NAV1: variants seen among roughly 807,000 people sequenced by gnomAD.
The protein encoded by NAV1 is pore membrane and/or filament interacting like protein 3.
In NAV1, 18 loss-of-function variants were observed where a neutral mutation model predicts 175.2. That is an observed-to-expected ratio of 0.10 (90% CI 0.07 to 0.15). The LOEUF (loss-of-function observed/expected upper bound fraction) is 0.15. NAV1 is among the 10% of genes least tolerant of loss of function. NAV1 has a pLI of 1.00. For missense variants in NAV1, 1,731 were observed against 2,436.6 expected, an observed-to-expected ratio of 0.71 and a Z score of 6.10; for synonymous variants, 897 against 978.7, an observed-to-expected ratio of 0.92 and a Z score of 1.56.
At chr1:201,748,596 A>G (rs945909302) in intron 3 of NAV1, among the ~76,000 whole-genome samples, 4 of 152,196 alleles carry the variant, frequency 2.6e-5, no homozygotes, top group Non-Finnish European at 4.4e-5. Flanking sequence ...CTCATGCACA[A>G]CCTGATTTAG....
chr1:201,724,387 C>T (rs1164254312), intron 3 of NAV1: 1 of 152,238 alleles, frequency 6.6e-6, no homozygotes, highest in Non-Finnish European at 1.5e-5. Flanking sequence ...AGAGGAGGCA[C>T]ACGTGCCTGA....
At chr1:201,736,919 C>T (rs1396036328) in intron 3 of NAV1, among the ~76,000 whole-genome samples, 1 of 151,916 alleles carries the variant, frequency 6.6e-6, no homozygotes, top group Non-Finnish European at 1.5e-5. Context: ...CCCTCCGCTG[C>T]CCCCCACTCC....
chr1:201,793,492 G>A, intron 13 of NAV1: 1 of 346,782 alleles, frequency 2.9e-6, no homozygotes, highest in South Asian at 2.9e-5. Flanking sequence ...ATAGAGCAGA[G>A]GGATAGTCCT....
rs114090401 is a variant in NAV1 at position 201,564,300 on chromosome 1, C to T, written c.-143-24239C>T. 3.3e-3 allele frequency among the ~76,000 whole-genome samples: 496 copies of T among 152,174 alleles called. 1 individual carries two copies. The highest frequency in any genetic ancestry group is 0.011 in the African/African-American group (445 of 41,512). ...AGCAGTGTGGCTTTAACTTTTCTCACCTTTAGCGTCCTTACCTATTACAGG... is the reference window on the plus strand; with the variant it reads ...AGCAGTGTGGCTTTAACTTTTCTCATCTTTAGCGTCCTTACCTATTACAGG... On this transcript the variant is annotated intron_variant, in intron 1 of 33. Transcript: ENST00000685211.
chr1:201,589,468 A>G (rs1176521873), intron 2 of NAV1, among the ~76,000 whole-genome samples: 1 of 152,136 alleles, frequency 6.6e-6, no homozygotes, highest in Non-Finnish European at 1.5e-5. Context: ...TGCTCAGTAA[A>G]TGTTGAATAA....
At chr1:201,794,032 G>A in intron 14 of NAV1, 157 bp downstream of exon 18, 1 of 722,342 alleles carries the variant, frequency 1.4e-6, no homozygotes, top group Non-Finnish European at 2.5e-6. Context: ...AATACAGTGT[G>A]AGCATATTCC....
chr1:201,580,969 A>C (rs1315055778), intron 1 of NAV1, among the ~76,000 whole-genome samples: 2 of 152,148 alleles, frequency 1.3e-5, no homozygotes, highest in African/African-American at 4.8e-5. Flanking sequence ...CAGCAGCTAC[A>C]AAGGCATAGA....
chr1:201,819,606 G>A (rs1679271286), intron 29 of NAV1, among the ~76,000 whole-genome samples: 1 of 152,048 alleles, frequency 6.6e-6, no homozygotes, highest in Non-Finnish European at 1.5e-5. Flanking sequence ...GAGTAGCTGG[G>A]ACTGTAGTTG....
rs116095935 is a variant in NAV1 at position 201,813,407 on chromosome 1, T to C, written c.5340+149T>C. On this transcript the variant is annotated intron_variant, in intron 28 of 29. Transcript: ENST00000367296. The surrounding 1 kb of genome is among the most constrained non-coding windows in gnomAD (Gnocchi z 4.2). ...GAGCAAGGCACTGGGTAGACTAAGC[T>C]GCTTTCCTGCCTCCAGCTGCCATTC... 1.7e-3 allele frequency: 1,032 copies of C among 595,978 alleles called. 6 individuals are homozygous for C. Among genetic ancestry groups the C allele is most frequent in the African/African-American group, 0.017 (916 of 53,342 alleles). 36.9% of individuals were successfully genotyped at this position (595,978 alleles called of 1,614,324 possible).
At chr1:201,590,654 T>A (rs1462261919) in intron 2 of NAV1, among the ~76,000 whole-genome samples, 1 of 152,170 alleles carries the variant, frequency 6.6e-6, no homozygotes, top group East Asian at 1.9e-4. Flanking sequence ...GGGAAGCTGC[T>A]GTTTGGGTGG....
At chr1:201,741,120 C>T (rs1441352197) in intron 3 of NAV1, among the ~76,000 whole-genome samples, 1 of 152,114 alleles carries the variant, frequency 6.6e-6, no homozygotes, top group Non-Finnish European at 1.5e-5. Flanking sequence ...AAGGGAGCCC[C>T]AAGTACCCTC....
At chr1:201,552,771 G>A (rs1286080619) in intron 1 of NAV1, among the ~76,000 whole-genome samples, 1 of 152,200 alleles carries the variant, frequency 6.6e-6, no homozygotes, top group Non-Finnish European at 1.5e-5. Flanking sequence ...ACACCGGACA[G>A]GCAAAGGGAT....
At chr1:201,738,623 CGAG>C (rs147845903) in intron 3 of NAV1, among the ~76,000 whole-genome samples, 2,413 of 152,036 alleles carry the variant, frequency 0.016, 60 homozygotes, top group East Asian at 0.11. Context: ...GCAGTGAGAG[CGAG>C]GAGGAGGAGT....
intron 1 of NAV1, among the ~76,000 whole-genome samples, chr1:201,668,281 A>G (rs1558051675): frequency 6.6e-6 from 1 of 152,116 alleles, no homozygotes; most frequent in Non-Finnish European, 1.5e-5. Context: ...TGGCACCCCT[A>G]ATCTGATGGC....
chr1:201,696,071 C>A (rs976267450), intron 1 of NAV1, among the ~76,000 whole-genome samples: 2 of 152,182 alleles, frequency 1.3e-5, no homozygotes, highest in Non-Finnish European at 2.9e-5. Context: ...CTGCATCCAG[C>A]CTTGCACTTC....
At chr1:201,637,749 C>G (rs769368497) in intron 2 of NAV1, among the ~76,000 whole-genome samples, 6 of 152,218 alleles carry the variant, frequency 3.9e-5, no homozygotes, top group Non-Finnish European at 7.3e-5. Context: ...GGCACACACC[C>G]TACCCTCTCC....
intron 1 of NAV1, among the ~76,000 whole-genome samples, chr1:201,551,110 C>A (rs1665840037): frequency 6.6e-6 from 1 of 152,174 alleles, no homozygotes; most frequent in Non-Finnish European, 1.5e-5. Context: ...AGTAACTTAC[C>A]CAAAGCCACA....
chr1:201,699,725 G>C (rs1356494134), intron 1 of NAV1, among the ~76,000 whole-genome samples: 2 of 152,132 alleles, frequency 1.3e-5, no homozygotes, highest in Non-Finnish European at 2.9e-5. Flanking sequence ...ACAGCATGGT[G>C]CTGGTACCAA....
At chr1:201,816,696 G>A (rs371822660) in intron 28 of NAV1, among the ~76,000 whole-genome samples, 1 of 23,048 alleles carries the variant, frequency 4.3e-5, no homozygotes. Flanking sequence ...TTTTTTTTTT[G>A]AGGCAGAGTC....
Sources: gnomAD v4.1 joint callset for allele counts (sites outside exome capture counted in the v4.1 genomes callset) on GRCh38, gnomAD v4.1.1 for gene constraint, Gnocchi (gnomAD v3.1) non-coding constraint, MANE v1.5 for transcripts, NCBI Gene and HGNC (gene_info 2026-07-23, HGNC 2026-07-21) for gene names.